RALGAPA2: variants seen among roughly 807,000 people sequenced by gnomAD.
The protein encoded by RALGAPA2 is Ral GTPase activating protein catalytic subunit alpha 2.
RALGAPA2 carries 139 observed loss-of-function variants against 230.4 expected under a neutral mutation model. That is an observed-to-expected ratio of 0.60 (90% confidence interval 0.53 to 0.69). The LOEUF (loss-of-function observed/expected upper bound fraction) is 0.69. Ranked by LOEUF, RALGAPA2 falls within the 30% of genes least tolerant of loss-of-function variation. RALGAPA2 has a pLI of 0.00. For synonymous variants in RALGAPA2, 847 were observed against 837.8 expected, an observed-to-expected ratio of 1.01 and a Z score of -0.19; for missense variants, 2,163 against 2,276.0, an observed-to-expected ratio of 0.95 and a Z score of 1.01.
chr20:20,540,784 T>G (rs555086307), intron 24 of RALGAPA2, among the ~76,000 whole-genome samples: 28 of 152,040 alleles, frequency 1.8e-4, no homozygotes, highest in African/African-American at 6.5e-4. Flanking sequence ...TTAATAAAAA[T>G]TTATATATTT....
At position 20,668,250 on chromosome 20, in the gene RALGAPA2, A is replaced by G. The variant is rs183686663; in HGVS notation, c.270+7986T>C. ...AAATCTCATCTCTACTAAGAATACA[A>G]AAATTAGCCAGGCATGGTGGCAGGT... On this transcript the variant is annotated intron_variant, in intron 3 of 39. Transcript: ENST00000202677. 1.9e-4 allele frequency among the ~76,000 whole-genome samples: 29 copies of G among 152,238 alleles called. 1 individual carries two copies. In the East Asian group the frequency reaches 4.8e-3, roughly 25 times the overall value.
chr20:20,647,163 T>C (rs1174911399), intron 4 of RALGAPA2, among the ~76,000 whole-genome samples: 1 of 152,212 alleles, frequency 6.6e-6, no homozygotes, highest in Non-Finnish European at 1.5e-5. Context: ...TTAATAATAT[T>C]TTTAAGGCCA....
chr20:20,435,832 T>C (rs2060600078), intron 37 of RALGAPA2, among the ~76,000 whole-genome samples: 2 of 152,220 alleles, frequency 1.3e-5, no homozygotes, highest in Admixed American at 6.5e-5. Context: ...ACTAGATCTA[T>C]GGCCTTTCAG....
chr20:20,486,578 A>T (rs1215119685), intron 36 of RALGAPA2, among the ~76,000 whole-genome samples: 6 of 151,972 alleles, frequency 3.9e-5, no homozygotes, highest in Admixed American at 3.9e-4. Context: ...CTAGGTATAG[A>T]CATTTTGATA....
Position 20,583,197 on chromosome 20 carries a change from C to T in RALGAPA2, c.2560G>A (p.Gly854Ser). The T allele has an allele frequency of 6.2e-7, 1 of 1,611,798 alleles. No homozygotes were observed. The highest frequency in any genetic ancestry group is 8.5e-7 in the Non-Finnish European group (1 of 1,179,070). Residue 854 changes from glycine (G) to serine (S), a missense_variant, in exon 20 of 40, where the codon GGC (glycine) becomes AGC (serine). Gly to Ser is a moderately conservative substitution (Grantham distance 56). Transcript: ENST00000202677. ...GACAGCTCTGCCTCATTGGTACAGC[C>T]CAGAGTTGTGTCACTGTTGGTACTT... ...SESTNSDTTL[G>S]CTNEAELSMG...
In RALGAPA2 at chr20:20,427,352, C is replaced by T. The variant is rs149354049; in HGVS notation, c.5496-15204G>A. Among the ~76,000 whole-genome samples the T allele has an allele frequency of 6.4e-3, 967 of 152,210 alleles. 9 individuals are homozygous for T. The highest frequency in any genetic ancestry group is 0.022 in the African/African-American group (929 of 41,526). On this transcript the variant is annotated intron_variant, in intron 37 of 39. Coordinates refer to ENST00000202677, the MANE Select transcript of RALGAPA2 (RefSeq NM_020343.4). ...TGAGAGAAATCCCTGTGGGTTAGAG[C>T]AGAGGCGGGAGTGACAGTTTCACTA... is the stretch of plus-strand genomic sequence containing the variant.
chr20:20,469,172 G>C (rs1019402975), intron 37 of RALGAPA2, among the ~76,000 whole-genome samples: 1 of 152,180 alleles, frequency 6.6e-6, no homozygotes, highest in Non-Finnish European at 1.5e-5. Context: ...GTTGACGAAT[G>C]CTAACTGGTG....
chr20:20,639,727 T>C, intron 7 of RALGAPA2, 58 bp downstream of exon 7: 1 of 1,204,944 alleles, frequency 8.3e-7, no homozygotes, highest in East Asian at 2.3e-5. Context: ...AGAGGCAATA[T>C]TTCCTCTTCC....
chr20:20,452,904 C>T (rs1215592865), intron 37 of RALGAPA2, among the ~76,000 whole-genome samples: 1 of 152,122 alleles, frequency 6.6e-6, no homozygotes, highest in Admixed American at 6.5e-5. Flanking sequence ...TGACCAGGCA[C>T]TGGGGTGGTG....
intron 17 of RALGAPA2, among the ~76,000 whole-genome samples, chr20:20,590,277 A>G (rs2065249722): frequency 6.6e-6 from 1 of 152,172 alleles, no homozygotes; most frequent in Non-Finnish European, 1.5e-5. Context: ...CCTACAAGAA[A>G]AATGCAGGCA....
intron 37 of RALGAPA2, among the ~76,000 whole-genome samples, chr20:20,469,984 G>A (rs535620717): frequency 6.6e-6 from 1 of 152,234 alleles, no homozygotes; most frequent in Admixed American, 6.5e-5. Flanking sequence ...AACCCAGGAG[G>A]GACAAAGGGG....
At chr20:20,472,378 C>CA (rs1247555058) in intron 37 of RALGAPA2, 1 of 152,444 alleles carries the variant, frequency 6.6e-6, no homozygotes, top group Non-Finnish European at 1.5e-5. Flanking sequence ...TTGCACTTCT[C>CA]AGGTGGTACC....
At chr20:20,697,516 G>T (rs2069162449) in intron 1 of RALGAPA2, among the ~76,000 whole-genome samples, 2 of 152,120 alleles carry the variant, frequency 1.3e-5, no homozygotes, top group Admixed American at 6.5e-5. Flanking sequence ...TCTGTTGTGG[G>T]AGGTAATGTG....
At chr20:20,477,926 G>A (rs753709330) in intron 36 of RALGAPA2, among the ~76,000 whole-genome samples, 3 of 152,156 alleles carry the variant, frequency 2.0e-5, no homozygotes, top group Non-Finnish European at 2.9e-5. Context: ...GCACAATAAT[G>A]ACACAGTTAT....
chr20:20,521,172 TG>T (rs2063029425), intron 30 of RALGAPA2, 72 bp from the exon 31 acceptor site: 1 of 1,336,496 alleles, frequency 7.5e-7, no homozygotes, highest in Admixed American at 2.1e-5. Context: ...GTCAAACTAC[TG>T]CAGCACTTGG....
intron 24 of RALGAPA2, among the ~76,000 whole-genome samples, chr20:20,546,308 T>C (rs2063772982): frequency 6.6e-6 from 1 of 152,170 alleles, no homozygotes; most frequent in Admixed American, 6.5e-5. Flanking sequence ...ATGAGACTTA[T>C]AATAACCAAG....
chr20:20,712,617 C>CCGCCGCCGCCGG lies in RALGAPA2; in HGVS notation c.-138_-137insCCGGCGGCGGCG, dbSNP rs2069940892. ...AGCCCCGCTGCTGCCGCCGCCGCCG[C>CCGCCGCCGCCGG]CGCCGCCGCCGCCTCAGCTGTGTCT... On this transcript the variant is annotated 5_prime_UTR_variant, in exon 1 of 40. Coordinates refer to ENST00000202677, the MANE Select transcript of RALGAPA2 (RefSeq NM_020343.4). This position sits in a 1 kb window ranked among gnomAD's most constrained non-coding sequence, Gnocchi z 5.5. The CCGCCGCCGCCGG allele has an allele frequency of 8.4e-7, 1 of 1,192,120 alleles. No homozygotes were observed. Among genetic ancestry groups the CCGCCGCCGCCGG allele is most frequent in the African/African-American group, 1.6e-5 (1 of 61,852 alleles). The allele number at this position is 1,192,120 out of a possible 1,614,324, so 73.8% of individuals were successfully genotyped here.
intron 37 of RALGAPA2, among the ~76,000 whole-genome samples, chr20:20,426,240 T>C (rs974302778): frequency 1.3e-5 from 2 of 152,226 alleles, no homozygotes; most frequent in African/African-American, 2.4e-5. Context: ...TCAGGAAGTA[T>C]ATATAAGTGA....
chr20:20,602,020 A>G, intron 15 of RALGAPA2, among the ~76,000 whole-genome samples, 174 bp from the exon 16 acceptor site: 1 of 152,376 alleles, frequency 6.6e-6, no homozygotes, highest in East Asian at 1.9e-4. Context: ...ATATGTCACT[A>G]ATTTAAGAAT....
Sources: allele counts gnomAD v4.1 joint callset (sites outside exome capture counted in the v4.1 genomes callset), GRCh38; gene constraint gnomAD v4.1.1; non-coding constraint Gnocchi (gnomAD v3.1); transcripts MANE v1.5; gene names NCBI Gene and HGNC (gene_info 2026-07-23, HGNC 2026-07-21).